Variants in CAMK1D observed in about 807,000 individuals in gnomAD.
The protein encoded by CAMK1D is calcium/calmodulin dependent protein kinase ID.
In CAMK1D, 9 loss-of-function variants were observed where a neutral mutation model predicts 47.7. The ratio of observed to expected loss-of-function variants is 0.19; its 90% CI spans 0.11 to 0.33. The LOEUF (loss-of-function observed/expected upper bound fraction) is 0.33. Among genes scored for constraint, CAMK1D ranks in the 10% least tolerant of loss-of-function variants. The probability of loss-of-function intolerance (pLI) is 1.00; values close to 1 mark genes in which losing one functional copy is unlikely to be tolerated. For synonymous variants in CAMK1D, 184 were observed against 184.9 expected, an observed-to-expected ratio of 0.99 and a Z score of 0.04; for missense variants, 291 against 488.7, an observed-to-expected ratio of 0.60 and a Z score of 3.81.
intron 1 of CAMK1D, among the ~76,000 whole-genome samples, chr10:12,350,742 T>G (rs1010211212): frequency 4.1e-4 from 63 of 152,320 alleles, no homozygotes; most frequent in African/African-American, 1.4e-3. Flanking sequence ...CGGCTCAGAA[T>G]AGGTGGGGAG....
chr10:12,745,424 C>T lies in CAMK1D; in HGVS notation c.300-15524C>T, dbSNP rs80333263. ...GCGTGTGCGCACGCACACACACACACGCTAGAATACTAGAAACAGAATGTG... is the reference window on the plus strand; with the variant it reads ...GCGTGTGCGCACGCACACACACACATGCTAGAATACTAGAAACAGAATGTG... On this transcript the variant is annotated intron_variant, in intron 3 of 10. Coordinates refer to ENST00000619168, the MANE Select transcript of CAMK1D (RefSeq NM_153498.4). Among the ~76,000 whole-genome samples, 1,137 of 152,116 alleles carry T rather than the reference C, an allele frequency of 7.5e-3. 19 individuals carry two copies. Among genetic ancestry groups the T allele is most frequent in the African/African-American group, 0.026 (1,081 of 41,388 alleles).
chr10:12,449,714 A>G (rs1432191056), intron 1 of CAMK1D, among the ~76,000 whole-genome samples: 3 of 152,240 alleles, frequency 2.0e-5, no homozygotes, highest in Non-Finnish European at 4.4e-5. Context: ...TTAAAAAAAG[A>G]CACATGTTGG....
rs1049461821 is a variant in CAMK1D at position 12,367,144 on chromosome 10, T to A, written c.92+17234T>A. 5.9e-5 allele frequency among the ~76,000 whole-genome samples: 9 copies of A among 152,160 alleles called. No individual in the cohort carries two copies. In the East Asian group the frequency reaches 1.7e-3, roughly 29 times the overall value. On this transcript the variant is annotated intron_variant, in intron 1 of 10. Transcript: ENST00000619168. ...AAAAAGGGGATAAAAAATATTCATA[T>A]CCAAGTGTGGCTGACTCTCCCTGCT...
chr10:12,665,495 C>G (rs1003423926), intron 2 of CAMK1D, among the ~76,000 whole-genome samples: 2 of 152,190 alleles, frequency 1.3e-5, no homozygotes, highest in African/African-American at 4.8e-5. Flanking sequence ...TGCTAGGCAC[C>G]AGGAGCAAAC....
intron 1 of CAMK1D, among the ~76,000 whole-genome samples, chr10:12,548,509 G>T (rs1441790796): frequency 7.1e-6 from 1 of 140,464 alleles, no homozygotes; most frequent in Non-Finnish European, 1.5e-5. Context: ...CTATGGCCCA[G>T]GCTGAAGTAC....
At chr10:12,675,594 T>C (rs540956532) in intron 3 of CAMK1D, among the ~76,000 whole-genome samples, 1 of 152,368 alleles carries the variant, frequency 6.6e-6, no homozygotes, top group East Asian at 1.9e-4. Flanking sequence ...CTCGTCTCTA[T>C]ACCTACCACT....
intron 10 of CAMK1D, among the ~76,000 whole-genome samples, chr10:12,827,283 T>TTTTC (rs199653739): frequency 7.5e-6 from 1 of 133,996 alleles, no homozygotes; most frequent in Non-Finnish European, 1.6e-5. Flanking sequence ...TTTCTTTTCT[T>TTTTC]TTTCTTTCTT....
At chr10:12,661,684 G>T (rs897211040) in intron 2 of CAMK1D, among the ~76,000 whole-genome samples, 1 of 152,214 alleles carries the variant, frequency 6.6e-6, no homozygotes, top group Non-Finnish European at 1.5e-5. Flanking sequence ...ACTTATCACA[G>T]AAGAGTCACA....
intron 3 of CAMK1D, among the ~76,000 whole-genome samples, chr10:12,731,522 C>T (rs1232293241): frequency 6.6e-6 from 1 of 152,186 alleles, no homozygotes; most frequent in Non-Finnish European, 1.5e-5. Flanking sequence ...CATGTTTCCA[C>T]CTCATGTTCA....
At chr10:12,395,065 A>ATTTTT (rs5783265) in intron 1 of CAMK1D, among the ~76,000 whole-genome samples, 19 of 94,730 alleles carry the variant, frequency 2.0e-4, no homozygotes, top group African/African-American at 7.3e-4. Flanking sequence ...TAAAATTTTA[A>ATTTTT]TTTTTTTTTT....
chr10:12,688,201 T>C (rs1469279263), intron 3 of CAMK1D, among the ~76,000 whole-genome samples: 1 of 152,170 alleles, frequency 6.6e-6, no homozygotes, highest in Non-Finnish European at 1.5e-5. Flanking sequence ...TAAGGACCTA[T>C]TTAGTTCTTT....
chr10:12,469,924 C>T (rs1230430853), intron 1 of CAMK1D, among the ~76,000 whole-genome samples: 1 of 151,944 alleles, frequency 6.6e-6, no homozygotes, highest in African/African-American at 2.4e-5. Flanking sequence ...TCTTAAGTAT[C>T]GAACACTTTA....
intron 1 of CAMK1D, among the ~76,000 whole-genome samples, chr10:12,359,455 G>C (rs1240860858): frequency 6.6e-6 from 1 of 151,888 alleles, no homozygotes; most frequent in Non-Finnish European, 1.5e-5. Flanking sequence ...CTCTGGCCCA[G>C]CTCCGGTGCT....
intron 1 of CAMK1D, among the ~76,000 whole-genome samples, chr10:12,416,483 G>A (rs1839854062): frequency 2.0e-5 from 3 of 152,186 alleles, no homozygotes; most frequent in Admixed American, 2.0e-4. Context: ...TGACTCAAGG[G>A]TCTCCGCTCC....
chr10:12,440,823 A>G (rs980203548), intron 1 of CAMK1D, among the ~76,000 whole-genome samples: 3 of 152,212 alleles, frequency 2.0e-5, no homozygotes, highest in Non-Finnish European at 4.4e-5. Flanking sequence ...AGGAAATGCT[A>G]CCTGAAAATA....
chr10:12,350,661 C>T (rs1042810331), intron 1 of CAMK1D, among the ~76,000 whole-genome samples: 4 of 152,252 alleles, frequency 2.6e-5, no homozygotes, highest in African/African-American at 9.6e-5. Flanking sequence ...ACGCTCCAAG[C>T]ATGTGCTGCT....
intron 1 of CAMK1D, among the ~76,000 whole-genome samples, chr10:12,466,597 T>C (rs1424275069): frequency 1.3e-5 from 2 of 151,524 alleles, no homozygotes; most frequent in Admixed American, 6.6e-5. Context: ...AATTTCTTTT[T>C]TTTTTTTTTT....
At chr10:12,699,140 G>C (rs1311828628) in intron 3 of CAMK1D, among the ~76,000 whole-genome samples, 2 of 152,120 alleles carry the variant, frequency 1.3e-5, no homozygotes, top group East Asian at 3.8e-4. Flanking sequence ...ACTCTCTGGT[G>C]ACCCTTTCTC....
intron 1 of CAMK1D, among the ~76,000 whole-genome samples, chr10:12,488,334 G>A (rs1241246066): frequency 1.3e-5 from 2 of 152,140 alleles, no homozygotes; most frequent in Non-Finnish European, 2.9e-5. Flanking sequence ...TATCTTTAGA[G>A]TGTCTTCTGC....
Sources: gnomAD v4.1 joint callset for allele counts (sites outside exome capture counted in the v4.1 genomes callset) on GRCh38, gnomAD v4.1.1 for gene constraint, MANE v1.5 for transcripts, NCBI Gene and HGNC (gene_info 2026-07-23, HGNC 2026-07-21) for gene names.